Variants in GCNT1 observed in about 807,000 individuals in gnomAD.
GCNT1 encodes the protein beta-1,3-galactosyl-O-glycosyl-glycoprotein beta-1,6-N-acetylglucosaminyltransferase.
In GCNT1, 16 loss-of-function variants were observed where a neutral mutation model predicts 26.2. That is an observed-to-expected ratio of 0.61 (90% CI 0.41 to 0.93). The LOEUF is 0.93. GCNT1 is among the 40% of genes least tolerant of loss of function. GCNT1 has a pLI of 0.00. For synonymous variants in GCNT1, 183 were observed against 190.8 expected, an observed-to-expected ratio of 0.96 and a Z score of 0.34; for missense variants, 477 against 526.7, an observed-to-expected ratio of 0.91 and a Z score of 0.92.
At chr9:76,477,880 G>GCTA (rs1297557430) in intron 2 of GCNT1, among the ~76,000 whole-genome samples, 1 of 152,238 alleles carries the variant, frequency 6.6e-6, no homozygotes, top group Non-Finnish European at 1.5e-5. Context: ...GAATCCTAGT[G>GCTA]AGAGGTGAAG....
the GCNT1 span, chr9:76,398,834 A>C: frequency 1.4e-5 from 19 of 1,404,406 alleles, no homozygotes; most frequent in Admixed American, 1.7e-5. Flanking sequence ...AAGTAATGGC[A>C]TCTATATCAT....
At chr9:76,402,790 C>T in the GCNT1 span, among the ~76,000 whole-genome samples, 1 of 151,926 alleles carries the variant, frequency 6.6e-6, no homozygotes, top group African/African-American at 2.4e-5. Flanking sequence ...AGTGATTCTC[C>T]TGCCTCAGCC....
chr9:76,499,601 A>T (rs1283513737), intron 2 of GCNT1, among the ~76,000 whole-genome samples: 1 of 152,194 alleles, frequency 6.6e-6, no homozygotes, highest in African/African-American at 2.4e-5. Context: ...CTAGGTAAGG[A>T]TATCTGAGTT....
chr9:76,404,942 A>G, the GCNT1 span, among the ~76,000 whole-genome samples: 1 of 151,918 alleles, frequency 6.6e-6, no homozygotes, highest in East Asian at 1.9e-4. Context: ...CAGCCTCCCA[A>G]GTAGCTGGGA....
intron 1 of GCNT1, among the ~76,000 whole-genome samples, chr9:76,446,003 T>A (rs1823571805): frequency 6.6e-6 from 1 of 151,980 alleles, no homozygotes; most frequent in Admixed American, 6.6e-5. Context: ...TCAATAAATA[T>A]TATTTTTAAA....
chr9:76,407,826 T>C, the GCNT1 span, among the ~76,000 whole-genome samples: 2 of 152,246 alleles, frequency 1.3e-5, no homozygotes, highest in Admixed American at 6.5e-5. Flanking sequence ...ATATAGATCT[T>C]GTACATATTT....
At chr9:76,394,115 G>A in the GCNT1 span, 3 of 1,609,136 alleles carry the variant, frequency 1.9e-6, no homozygotes, top group African/African-American at 4.0e-5. Context: ...GCTGCTTGGA[G>A]CCGCGGCCGA....
chr9:76,395,299 C>A, the GCNT1 span, among the ~76,000 whole-genome samples: 1 of 152,098 alleles, frequency 6.6e-6, no homozygotes, highest in African/African-American at 2.4e-5. Flanking sequence ...AATTTTTAAT[C>A]AATGGAATCC....
chr9:76,443,949 GGA>G, intron 1 of GCNT1, among the ~76,000 whole-genome samples: 1 of 76,664 alleles, frequency 1.3e-5, no homozygotes, highest in African/African-American at 4.6e-5. Flanking sequence ...AAGGAAGGAA[GGA>G]AGGAAGGAAG....
intron 2 of GCNT1, among the ~76,000 whole-genome samples, chr9:76,489,680 C>A (rs1406628686): frequency 6.6e-6 from 1 of 152,250 alleles, no homozygotes; most frequent in South Asian, 2.1e-4. Context: ...AATCCTCTAG[C>A]TAGACAGAAA....
At chr9:76,458,852 C>T (rs1823808074), upstream of GCNT1, among the ~76,000 whole-genome samples, 1 of 152,198 alleles carries the variant, frequency 6.6e-6, no homozygotes, top group Admixed American at 6.5e-5. Flanking sequence ...TATTGTTGTT[C>T]TGTAACATAT....
intron 1 of GCNT1, among the ~76,000 whole-genome samples, chr9:76,445,512 C>T (rs541974705): frequency 9.3e-4 from 142 of 152,068 alleles, no homozygotes; most frequent in Non-Finnish European, 1.1e-3. Context: ...CTCAGCCTCC[C>T]GAGTAGCTGG....
Position 76,463,687 on chromosome 9 carries a change from G to T in GCNT1, c.-290+3510G>T, listed in dbSNP as rs150049624. Reference sequence around the variant, plus strand: ...GAGCATCTGTTAGATGCCCGGCATTGCTCGCTCCAGGGCCACAGCTGTGAA... The same window carrying T: ...GAGCATCTGTTAGATGCCCGGCATTTCTCGCTCCAGGGCCACAGCTGTGAA... On this transcript the variant is annotated intron_variant, in intron 2 of 3. Transcript: ENST00000376730. Among the ~76,000 whole-genome samples the T allele has an allele frequency of 4.0e-3, 613 of 152,250 alleles. 7 individuals carry two copies. In the South Asian group the frequency reaches 0.051, roughly 13 times the overall value.
rs562853283 is a variant in GCNT1 at position 76,474,880 on chromosome 9, G to C, written c.-290+14703G>C. On this transcript the variant is annotated intron_variant, in intron 2 of 3. Transcript: ENST00000376730. ...AAGAAGATCCTCACTGAATAGTTTT[G>C]GGTGTGTGCTTCTCAGTTTTTCCAG... Among the ~76,000 whole-genome samples the C allele has an allele frequency of 2.6e-5, 4 of 152,320 alleles. No homozygotes were observed. The South Asian group carries it at 8.3e-4, about 32-fold the overall frequency.
chr9:76,437,238 G>A (rs1185947506), upstream of GCNT1, among the ~76,000 whole-genome samples: 1 of 152,098 alleles, frequency 6.6e-6, no homozygotes, highest in African/African-American at 2.4e-5. Context: ...AAACTTACTG[G>A]GCTGCATTCC....
chr9:76,468,026 C>A (rs1824044696), intron 2 of GCNT1, among the ~76,000 whole-genome samples: 1 of 151,080 alleles, frequency 6.6e-6, no homozygotes, highest in Admixed American at 6.6e-5. Context: ...CCTGCCTCAG[C>A]CTTCTGAGTA....
chr9:76,406,980 G>A, the GCNT1 span, among the ~76,000 whole-genome samples: 2 of 152,148 alleles, frequency 1.3e-5, no homozygotes, highest in Admixed American at 1.3e-4. Flanking sequence ...GGCAGAGGTT[G>A]CAGTGAGCTG....
the GCNT1 span, chr9:76,394,100 G>A: frequency 5.0e-6 from 8 of 1,606,546 alleles, no homozygotes; most frequent in Non-Finnish European, 6.8e-6. Flanking sequence ...CTGTGGGGAT[G>A]CCCAGCTGCT....
At chr9:76,402,123 G>A in the GCNT1 span, among the ~76,000 whole-genome samples, 1 of 152,178 alleles carries the variant, frequency 6.6e-6, no homozygotes, top group Non-Finnish European at 1.5e-5. Flanking sequence ...GAGGGAAGAA[G>A]GGCACCTTTG....
Sources: gnomAD v4.1 joint callset for allele counts (sites outside exome capture counted in the v4.1 genomes callset) on GRCh38, gnomAD v4.1.1 for gene constraint, MANE v1.5 for transcripts, NCBI Gene and HGNC (gene_info 2026-07-23, HGNC 2026-07-21) for gene names.